Variants in MYLK3 observed in about 807,000 individuals in gnomAD.
MYLK3 encodes MLC kinase.
In MYLK3, 55 loss-of-function variants were observed where a neutral mutation model predicts 76.3. The ratio of observed to expected loss-of-function variants is 0.72; its 90% confidence interval spans 0.58 to 0.90. The LOEUF is 0.90. Ranked by LOEUF, MYLK3 falls within the 40% of genes least tolerant of loss-of-function variation. MYLK3 has a pLI of 0.00. For missense variants in MYLK3, 973 were observed against 1,053.6 expected (o/e 0.92, Z 1.06); for synonymous variants, 416 against 425.4 (o/e 0.98, Z 0.27).
chr16:46,721,088 A>C (rs1567283227), intron 9 of MYLK3, 35 bp downstream of exon 9: 1 of 1,587,306 alleles, frequency 6.3e-7, no homozygotes, highest in Admixed American at 1.7e-5. Flanking sequence ...AGTCCCAAGG[A>C]ATTTTGTTAA....
At chr16:46,760,595 ATG>A (rs1443616046) in intron 1 of MYLK3, among the ~76,000 whole-genome samples, 2 of 152,144 alleles carry the variant, frequency 1.3e-5, no homozygotes, top group African/African-American at 4.8e-5. Context: ...TGGGATGACT[ATG>A]TAACTCACCA....
chr16:46,730,306 G>A (rs1596760215), intron 5 of MYLK3, among the ~76,000 whole-genome samples: 1 of 151,984 alleles, frequency 6.6e-6, no homozygotes, highest in Admixed American at 6.5e-5. Flanking sequence ...TCGGCTTTCC[G>A]GCCACCTCCA....
intron 1 of MYLK3, among the ~76,000 whole-genome samples, chr16:46,761,745 G>C (rs1967277865): frequency 6.6e-6 from 1 of 152,096 alleles, no homozygotes; most frequent in Admixed American, 6.5e-5. Context: ...TTGAACCTGG[G>C]GGGTGGGGGT....
At chr16:46,747,662 C>G in intron 1 of MYLK3, 55 bp downstream of exon 1, 1 of 1,542,464 alleles carries the variant, frequency 6.5e-7, no homozygotes, top group Non-Finnish European at 8.8e-7. Flanking sequence ...CCTGGCCAGT[C>G]TCCCACCAGG....
chr16:46,762,935 G>T (rs1451131584), intron 1 of MYLK3: 6 of 887,028 alleles, frequency 6.8e-6, no homozygotes, highest in East Asian at 1.2e-4. Flanking sequence ...TGTCGTTTTT[G>T]ATCAGACTCC....
chr16:46,732,123 A>T (rs1966853627), intron 4 of MYLK3, 85 bp downstream of exon 4: 2 of 1,157,740 alleles, frequency 1.7e-6, no homozygotes, highest in East Asian at 5.1e-5. Context: ...TACCCCTGGA[A>T]GCTACAGGAA....
chr16:46,737,687 C>G, intron 3 of MYLK3, 24 bp downstream of exon 3: 1 of 1,571,566 alleles, frequency 6.4e-7, no homozygotes, highest in Non-Finnish European at 8.7e-7. Flanking sequence ...CCTCCCTCAC[C>G]CAGCCTGGAA....
rs568938597 is a variant in MYLK3 at position 46,738,624 on chromosome 16, C to T, written c.569-481G>A. Among the ~76,000 whole-genome samples the T allele has an allele frequency of 3.7e-4, 56 of 152,304 alleles. 1 individual carries two copies. The highest frequency in any genetic ancestry group is 1.3e-3 in the African/African-American group (56 of 41,566). On this transcript the variant is annotated intron_variant, in intron 2 of 12. Transcript: ENST00000394809. ...TGAATATACTGTAAGTGAAAGAAAG[C>T]AAGGTGGAGAATGGTGTGTCTGGCA... is the stretch of plus-strand genomic sequence containing the variant.
intron 9 of MYLK3, among the ~76,000 whole-genome samples, chr16:46,715,019 C>T (rs970770332): frequency 1.2e-4 from 19 of 152,100 alleles, no homozygotes; most frequent in Admixed American, 1.1e-3. Flanking sequence ...CGTCACTGAA[C>T]GAAGGTGGGA....
Position 46,738,149 on chromosome 16 carries a change from G to A in MYLK3, c.569-6C>T. The A allele has an allele frequency of 6.6e-7, 1 of 1,511,622 alleles. No individual in the cohort carries two copies. The highest frequency in any genetic ancestry group is 1.3e-5 in the South Asian group (1 of 78,262). The allele number at this position is 1,511,622 out of a possible 1,614,324, so 93.6% of individuals were successfully genotyped here. A position where few individuals can be genotyped will look rare whatever the true frequency, so the allele number is the denominator to read the frequency against. On this transcript the variant is annotated splice_region_variant and splice_polypyrimidine_tract_variant and intron_variant, in intron 2 of 12. Coordinates refer to ENST00000394809, the MANE Select transcript of MYLK3 (RefSeq NM_182493.3). The stretch of plus-strand genomic sequence containing the variant: ...CACGTCCGCCTTCTGGCTCTCTACA[G>A]GAAAACAGGCAGGACAAAAATGCAC...
rs115646783 is a variant in MYLK3, at chr16:46,743,501, T to C, written c.478-3354A>G. On this transcript the variant is annotated intron_variant, in intron 1 of 12. Coordinates refer to ENST00000394809, the MANE Select transcript of MYLK3 (RefSeq NM_182493.3). ...AACACGGAGGGAAGCAGAGGCTTCCTGTCAATGGGCCAATCAGCAGCCGAC... is the reference window on the plus strand; with the variant it reads ...AACACGGAGGGAAGCAGAGGCTTCCCGTCAATGGGCCAATCAGCAGCCGAC... Among the ~76,000 whole-genome samples the C allele has an allele frequency of 4.4e-3, 672 of 152,310 alleles. 6 individuals are homozygous for C. The highest frequency in any genetic ancestry group is 0.016 in the African/African-American group (653 of 41,558).
Position 46,706,849 on chromosome 16 carries a change from A to G in MYLK3, c.*855T>C, listed in dbSNP as rs1966631647. 6.6e-6 allele frequency: 1 copy of G among 152,226 alleles called. No homozygotes were observed. Among genetic ancestry groups the G allele is most frequent in the Admixed American group, 6.5e-5 (1 of 15,276 alleles). The allele number at this position is 152,226 out of a possible 1,614,324, so 9.4% of individuals were successfully genotyped here. A position where few individuals can be genotyped will look rare whatever the true frequency, so the allele number is the denominator to read the frequency against. ...CAAACCCTGTTCAAGGGTCAACTGT[A>G]CATGTATATAGAAAGTGTATGTGTA... On this transcript the variant is annotated 3_prime_UTR_variant, in exon 13 of 13. Coordinates refer to ENST00000394809, the MANE Select transcript of MYLK3 (RefSeq NM_182493.3).
At position 46,712,824 on chromosome 16, in the gene MYLK3, G is replaced by C. The variant is rs760897186; in HGVS notation, c.1986-48C>G. The stretch of plus-strand genomic sequence containing the variant: ...AAGAAGCATGGGGTGAGGCCTGGGA[G>C]ATGTGGTGCTGGGGCTCATTTCTGG... On this transcript the variant is annotated intron_variant, in intron 9 of 12. Transcript: ENST00000394809. The C allele has an allele frequency of 6.7e-6, 10 of 1,490,404 alleles. 1 individual carries two copies. In the South Asian group the frequency reaches 1.4e-4, roughly 20 times the overall value. 92.3% of individuals were successfully genotyped at this position (1,490,404 alleles called of 1,614,324 possible). A position where few individuals can be genotyped will look rare whatever the true frequency, so the allele number is the denominator to read the frequency against.
At chr16:46,712,554 G>A in intron 10 of MYLK3, 94 bp downstream of exon 10, 1 of 1,245,042 alleles carries the variant, frequency 8.0e-7, no homozygotes, top group Non-Finnish European at 1.1e-6. Flanking sequence ...CTCCCAAATA[G>A]ACTACTTGTG....
At chr16:46,716,519 G>A (rs989776418) in intron 9 of MYLK3, among the ~76,000 whole-genome samples, 2 of 151,596 alleles carry the variant, frequency 1.3e-5, no homozygotes, top group Admixed American at 6.6e-5. Flanking sequence ...GTGTGTGTGT[G>A]TGTGTGTGTG....
chr16:46,728,446 T>A (rs150311347), intron 7 of MYLK3, among the ~76,000 whole-genome samples: 74 of 152,178 alleles, frequency 4.9e-4, no homozygotes, highest in African/African-American at 1.7e-3. Context: ...ATAGGCAGAG[T>A]GTGGTGGCTC....
chr16:46,736,339 C>T (rs1048666230), intron 3 of MYLK3, among the ~76,000 whole-genome samples: 3 of 152,176 alleles, frequency 2.0e-5, no homozygotes, highest in Non-Finnish European at 4.4e-5. Context: ...AGCCATGGCC[C>T]GTCAGAGCTG....
In MYLK3 at chr16:46,740,114, G is replaced by GT. The variant is rs1424962765; in HGVS notation, c.510dup (p.Pro171ThrfsTer13). The GT allele has an allele frequency of 6.2e-7, 1 of 1,613,678 alleles. No homozygotes were observed. Among genetic ancestry groups the GT allele is most frequent in the Admixed American group, 1.7e-5 (1 of 59,998 alleles). On this transcript the variant is annotated frameshift_variant, in exon 2 of 13. Coordinates refer to ENST00000394809, the MANE Select transcript of MYLK3 (RefSeq NM_182493.3). LOFTEE classifies it high-confidence loss of function. ...CCACTGGTGCTCAGCACATGCTTTGGTTTTCCTCCCTCTTCTTCCACTCGC... is the reference window on the plus strand; with the variant it reads ...CCACTGGTGCTCAGCACATGCTTTGGTTTTTCCTCCCTCTTCTTCCACTCGC...
At chr16:46,710,159 T>G (rs969636145) in intron 11 of MYLK3, among the ~76,000 whole-genome samples, 3 of 152,244 alleles carry the variant, frequency 2.0e-5, no homozygotes, top group Non-Finnish European at 4.4e-5. Flanking sequence ...GAGCCCAGAC[T>G]CCTGGGCCTT....
Sources: gnomAD v4.1 joint callset for allele counts (sites outside exome capture counted in the v4.1 genomes callset) on GRCh38, gnomAD v4.1.1 for gene constraint, MANE v1.5 for transcripts, NCBI Gene and HGNC (gene_info 2026-07-23, HGNC 2026-07-21) for gene names.